PRKCZ: variants seen among roughly 807,000 people sequenced by gnomAD.
PRKCZ encodes protein kinase C zeta.
PRKCZ carries 33 observed loss-of-function variants against 79.5 expected under a neutral mutation model. The observed-to-expected ratio is 0.41, with a 90% CI of 0.31 to 0.55. PRKCZ has a LOEUF of 0.55. Ranked by LOEUF, PRKCZ falls within the 20% of genes least tolerant of loss-of-function variation. PRKCZ has a pLI of 0.19. For missense variants in PRKCZ, 578 were observed against 813.5 expected (o/e 0.71, Z 3.52); for synonymous variants, 342 against 320.9 (o/e 1.07, Z -0.70).
chr1:2,156,662 G>T, intron 10 of PRKCZ: 1 of 155,260 alleles, frequency 6.4e-6, no homozygotes, highest in Non-Finnish European at 1.4e-5. Flanking sequence ...GGCCACAGCT[G>T]GCATACTGCA....
intron 4 of PRKCZ, among the ~76,000 whole-genome samples, chr1:2,107,138 G>A (rs1668707694): frequency 2.0e-5 from 3 of 152,360 alleles, no homozygotes; most frequent in South Asian, 2.1e-4. Flanking sequence ...GGGGTTCTGC[G>A]TCTGTGACCG....
rs3128324 is a variant in PRKCZ at position 2,093,912 on chromosome 1, T to G, written c.334+34321T>G. On this transcript the variant is annotated intron_variant, in intron 4 of 17. Transcript: ENST00000378567. ...CCGCGGCCGTCAGCGTTGCAGCCCTTGGCCGGGCACTAAGGGCTGAGTGTG... is the reference window on the plus strand; with the variant it reads ...CCGCGGCCGTCAGCGTTGCAGCCCTGGGCCGGGCACTAAGGGCTGAGTGTG... 2.1e-3 allele frequency among the ~76,000 whole-genome samples: 321 copies of G among 152,056 alleles called. 2 individuals carry two copies. Among genetic ancestry groups the G allele is most frequent in the African/African-American group, 7.4e-3 (305 of 41,484 alleles).
intron 4 of PRKCZ, among the ~76,000 whole-genome samples, chr1:2,109,560 G>A (rs565543792): frequency 5.9e-4 from 90 of 152,332 alleles, no homozygotes; most frequent in African/African-American, 2.0e-3. Context: ...GTGTGGGTCC[G>A]GCTGTGGGCG....
At chr1:2,055,304 G>T in intron 1 of PRKCZ, 137 bp from the exon 2 acceptor site, 3 of 1,062,976 alleles carry the variant, frequency 2.8e-6, no homozygotes, top group Non-Finnish European at 3.9e-6. Context: ...TGGGAGGGGG[G>T]AGGGGGTGGG....
intron 4 of PRKCZ, among the ~76,000 whole-genome samples, chr1:2,078,808 C>T (rs562516851): frequency 4.6e-5 from 7 of 151,088 alleles, no homozygotes; most frequent in South Asian, 2.1e-4. Flanking sequence ...GCCTTGTTCC[C>T]GTTCTTGTCT....
At chr1:2,146,457 A>G (rs977900084) in intron 7 of PRKCZ, among the ~76,000 whole-genome samples, 1 of 152,230 alleles carries the variant, frequency 6.6e-6, no homozygotes, top group African/African-American at 2.4e-5. Flanking sequence ...GGCACCTCCC[A>G]CAATCTGGCT....
chr1:2,144,715 C>T, intron 6 of PRKCZ: 7 of 890,348 alleles, frequency 7.9e-6, no homozygotes, highest in Non-Finnish European at 9.6e-6. Context: ...CGCTGAGGCT[C>T]CGAACATCTG....
chr1:2,106,395 C>G (rs944930154), intron 4 of PRKCZ, among the ~76,000 whole-genome samples: 11 of 152,036 alleles, frequency 7.2e-5, no homozygotes, highest in African/African-American at 2.4e-5. Flanking sequence ...ACCTGTGACT[C>G]TCAGCAAGCC....
At chr1:2,079,661 C>T (rs1042508036) in intron 4 of PRKCZ, among the ~76,000 whole-genome samples, 4 of 152,234 alleles carry the variant, frequency 2.6e-5, no homozygotes, top group African/African-American at 9.6e-5. Context: ...CTGCTGATGG[C>T]GGCACATGGT....
intron 1 of PRKCZ, among the ~76,000 whole-genome samples, chr1:2,053,863 C>T (rs1454674046): frequency 6.6e-6 from 1 of 152,178 alleles, no homozygotes; most frequent in Non-Finnish European, 1.5e-5. Context: ...TCCTAATCTG[C>T]CATGATGCTG....
At chr1:2,058,740 ACAAAAATTAG>A in intron 3 of PRKCZ, among the ~76,000 whole-genome samples, 1 of 151,638 alleles carries the variant, frequency 6.6e-6, no homozygotes, top group Admixed American at 6.6e-5. Flanking sequence ...TACTATAAAT[ACAAAAATTAG>A]CCGGGCGTGG....
intron 4 of PRKCZ, among the ~76,000 whole-genome samples, chr1:2,131,553 C>T (rs1288512473): frequency 6.6e-6 from 1 of 152,172 alleles, no homozygotes; most frequent in Non-Finnish European, 1.5e-5. Flanking sequence ...CCCTGTGCTG[C>T]CAGGTCATTT....
chr1:2,158,283 T>C lies in PRKCZ; in HGVS notation c.974+2191T>C, dbSNP rs547749810. Among the ~76,000 whole-genome samples, 20 of 152,332 alleles carry C rather than the reference T, an allele frequency of 1.3e-4. 1 individual carries two copies. In the South Asian group the frequency reaches 3.5e-3, roughly 27 times the overall value. ...GAGCCATATTTGAGAAACACAGATCTGAAGTCTTTTTCCTGCCTCAAAGCT... is the reference window on the plus strand; with the variant it reads ...GAGCCATATTTGAGAAACACAGATCCGAAGTCTTTTTCCTGCCTCAAAGCT... On this transcript the variant is annotated intron_variant, in intron 10 of 17. Coordinates refer to ENST00000378567, the MANE Select transcript of PRKCZ (RefSeq NM_002744.6).
intron 4 of PRKCZ, among the ~76,000 whole-genome samples, chr1:2,066,128 T>C (rs1271698376): frequency 6.6e-6 from 1 of 152,232 alleles, no homozygotes; most frequent in Non-Finnish European, 1.5e-5. Context: ...AGGATAATTA[T>C]GTCCATGTTC....
intron 10 of PRKCZ, among the ~76,000 whole-genome samples, chr1:2,157,557 A>G (rs1681311888): frequency 6.6e-6 from 1 of 152,034 alleles, no homozygotes; most frequent in African/African-American, 2.4e-5. Context: ...AGCTGGGATT[A>G]CAAGCACCTG....
chr1:2,048,751 T>G (rs147957210), upstream of PRKCZ, among the ~76,000 whole-genome samples: 64 of 152,152 alleles, frequency 4.2e-4, 3 homozygotes, highest in East Asian at 0.011. Context: ...AGGCTGGGGC[T>G]CCACAGTTTT....
chr1:2,106,125 C>T (rs747186839), intron 4 of PRKCZ, among the ~76,000 whole-genome samples: 3 of 152,226 alleles, frequency 2.0e-5, no homozygotes, highest in Non-Finnish European at 4.4e-5. Context: ...CCCCAGCCCC[C>T]TGTGGCTGAT....
At chr1:2,121,579 TGGTG>T (rs1557612056) in intron 4 of PRKCZ, among the ~76,000 whole-genome samples, 1 of 69,506 alleles carries the variant, frequency 1.4e-5, no homozygotes, top group African/African-American at 5.2e-5. Flanking sequence ...GTTAGGGTGA[TGGTG>T]GTAGTTAAGG....
At chr1:2,181,946 G>GC in intron 16 of PRKCZ, 1 of 440,662 alleles carries the variant, frequency 2.3e-6, no homozygotes, top group Non-Finnish European at 4.6e-6. Flanking sequence ...AACAGCCCCG[G>GC]CCCCTCCCTC....
Sources: allele counts gnomAD v4.1 joint callset (sites outside exome capture counted in the v4.1 genomes callset), GRCh38; gene constraint gnomAD v4.1.1; transcripts MANE v1.5; gene names NCBI Gene and HGNC (gene_info 2026-07-23, HGNC 2026-07-21).